GMDS: variants seen among roughly 807,000 people sequenced by gnomAD.
GMDS encodes GDP-mannose 4,6-dehydratase.
A neutral mutation model predicts 49.9 loss-of-function variants in GMDS; 20 were observed. The ratio of observed to expected loss-of-function variants is 0.40; its 90% confidence interval spans 0.28 to 0.58. The LOEUF (loss-of-function observed/expected upper bound fraction) is 0.58, where lower values mean the gene tolerates loss of function less well. Among genes scored for constraint, GMDS ranks in the 20% least tolerant of loss-of-function variants. GMDS has a pLI of 0.42. For synonymous variants in GMDS, 177 were observed against 178.6 expected (o/e 0.99, Z 0.07); for missense variants, 362 against 481.4 (o/e 0.75, Z 2.32).
At chr6:2,143,848 A>T (rs373110705) in intron 1 of GMDS, among the ~76,000 whole-genome samples, 8 of 152,324 alleles carry the variant, frequency 5.3e-5, no homozygotes, top group African/African-American at 1.9e-4. Context: ...CCAAATAAAA[A>T]CAAACATCTT....
chr6:1,932,728 C>T (rs769530997), intron 6 of GMDS, among the ~76,000 whole-genome samples: 3 of 151,846 alleles, frequency 2.0e-5, no homozygotes, highest in Non-Finnish European at 1.5e-5. Flanking sequence ...TTAGTAGAGA[C>T]GGGGTTTCAC....
At chr6:1,886,562 C>A (rs554838647) in intron 7 of GMDS, among the ~76,000 whole-genome samples, 2 of 152,212 alleles carry the variant, frequency 1.3e-5, no homozygotes, top group South Asian at 4.1e-4. Context: ...GTAAGTGTAT[C>A]TTACTGAGCA....
intron 9 of GMDS, among the ~76,000 whole-genome samples, chr6:1,655,018 A>T (rs1581417175): frequency 6.6e-6 from 1 of 150,532 alleles, no homozygotes; most frequent in Non-Finnish European, 1.5e-5. Context: ...CCAAGATCAC[A>T]CCACTGCACT....
intron 4 of GMDS, among the ~76,000 whole-genome samples, chr6:2,014,148 C>T (rs1333065395): frequency 1.8e-5 from 2 of 112,482 alleles, no homozygotes; most frequent in Non-Finnish European, 3.6e-5. Context: ...TAAAAACTTT[C>T]TAAGGCAAAT....
chr6:2,013,381 A>G (rs1767684765), intron 4 of GMDS, among the ~76,000 whole-genome samples: 1 of 152,206 alleles, frequency 6.6e-6, no homozygotes, highest in Non-Finnish European at 1.5e-5. Context: ...TGACAAGTCA[A>G]GTCCAGCTTT....
At chr6:1,821,846 G>A (rs937191302) in intron 7 of GMDS, among the ~76,000 whole-genome samples, 10 of 151,948 alleles carry the variant, frequency 6.6e-5, no homozygotes, top group Non-Finnish European at 1.3e-4. Context: ...TCAGTCTTGC[G>A]GCGGGGGAGG....
chr6:2,197,653 C>G (rs188355109), intron 1 of GMDS, among the ~76,000 whole-genome samples: 173 of 152,292 alleles, frequency 1.1e-3, no homozygotes, highest in South Asian at 5.0e-3. Flanking sequence ...TTGGCATTTT[C>G]CTCCATGCAA....
chr6:2,204,128 T>C (rs1779678473), intron 1 of GMDS, among the ~76,000 whole-genome samples: 1 of 152,216 alleles, frequency 6.6e-6, no homozygotes, highest in Admixed American at 6.5e-5. Context: ...TTCACACCAT[T>C]TTCTCTACAT....
At chr6:1,750,506 G>T (rs961810017) in intron 7 of GMDS, among the ~76,000 whole-genome samples, 3 of 152,142 alleles carry the variant, frequency 2.0e-5, no homozygotes, top group African/African-American at 7.2e-5. Context: ...CCCTAGCCAA[G>T]GGAAACCTTG....
chr6:2,047,341 G>A (rs1268350285), intron 4 of GMDS, among the ~76,000 whole-genome samples: 1 of 152,118 alleles, frequency 6.6e-6, no homozygotes, highest in Non-Finnish European at 1.5e-5. Flanking sequence ...CCTTAACAAC[G>A]AACAAGGGCA....
intron 7 of GMDS, among the ~76,000 whole-genome samples, chr6:1,798,184 T>G (rs1227320438): frequency 2.6e-5 from 4 of 151,892 alleles, no homozygotes; most frequent in Non-Finnish European, 5.9e-5. Context: ...GACTGCACTC[T>G]GAAGAACAAC....
intron 7 of GMDS, among the ~76,000 whole-genome samples, chr6:1,779,784 A>AGG (rs1262657437): frequency 1.3e-5 from 2 of 152,232 alleles, no homozygotes; most frequent in Non-Finnish European, 2.9e-5. Flanking sequence ...AACTCATTGA[A>AGG]GGCCACAGAC....
At chr6:1,822,424 T>C (rs1770938303) in intron 7 of GMDS, among the ~76,000 whole-genome samples, 1 of 152,018 alleles carries the variant, frequency 6.6e-6, no homozygotes, top group Non-Finnish European at 1.5e-5. Flanking sequence ...AGGAAGTGAG[T>C]TTGTTAGGAT....
intron 7 of GMDS, among the ~76,000 whole-genome samples, chr6:1,905,736 C>T (rs1425375648): frequency 7.1e-6 from 1 of 140,994 alleles, no homozygotes; most frequent in Non-Finnish European, 1.5e-5. Flanking sequence ...TGGGTGCTGG[C>T]GTGTAGGTGG....
At chr6:2,052,805 A>G (rs1311016316) in intron 4 of GMDS, among the ~76,000 whole-genome samples, 3 of 152,226 alleles carry the variant, frequency 2.0e-5, no homozygotes, top group Non-Finnish European at 4.4e-5. Flanking sequence ...AGCTGTAGCA[A>G]CCACTTTATA....
At chr6:2,230,462 G>A (rs1468815801) in intron 1 of GMDS, among the ~76,000 whole-genome samples, 1 of 152,118 alleles carries the variant, frequency 6.6e-6, no homozygotes, top group African/African-American at 2.4e-5. Flanking sequence ...AAGATTTCTA[G>A]TTGGGCTCCC....
chr6:1,869,904 G>A (rs1758642491), intron 7 of GMDS, among the ~76,000 whole-genome samples: 2 of 152,336 alleles, frequency 1.3e-5, no homozygotes, highest in African/African-American at 4.8e-5. Flanking sequence ...ACTCTGGACA[G>A]GAGAGGGCAG....
intron 1 of GMDS, among the ~76,000 whole-genome samples, chr6:2,139,040 T>G (rs898776081): frequency 3.9e-5 from 6 of 152,140 alleles, no homozygotes; most frequent in Non-Finnish European, 8.8e-5. Context: ...TTACCTTAAT[T>G]TTATATATCA....
At chr6:1,867,677 A>G (rs1483075586) in intron 7 of GMDS, among the ~76,000 whole-genome samples, 1 of 152,222 alleles carries the variant, frequency 6.6e-6, no homozygotes, top group Non-Finnish European at 1.5e-5. Context: ...ATAGGGAGAT[A>G]TGAGAAAATT....
Sources: gnomAD v4.1 joint callset for allele counts (sites outside exome capture counted in the v4.1 genomes callset) on GRCh38, gnomAD v4.1.1 for gene constraint, MANE v1.5 for transcripts, NCBI Gene and HGNC (gene_info 2026-07-23, HGNC 2026-07-21) for gene names.